Variants in PTPN12 observed in about 807,000 individuals in gnomAD.
PTPN12 encodes the protein protein tyrosine phosphatase non-receptor type 12, also known as tyrosine-protein phosphatase non-receptor type 12.
In PTPN12, 29 loss-of-function variants were observed where a neutral mutation model predicts 97.6. The ratio of observed to expected loss-of-function variants is 0.30; its 90% CI spans 0.22 to 0.41. The LOEUF is 0.41. Ranked by LOEUF, PTPN12 falls within the 10% of genes least tolerant of loss-of-function variation. The pLI is 1.00. For missense variants in PTPN12, 819 were observed against 926.0 expected (o/e 0.88, Z 1.50); for synonymous variants, 327 against 300.4 (o/e 1.09, Z -0.91).
intron 15 of PTPN12, 64 bp from the exon 16 acceptor site, chr7:77,636,954 A>C: frequency 1.5e-6 from 2 of 1,305,424 alleles, no homozygotes; most frequent in Non-Finnish European, 1.1e-6. Flanking sequence ...TAACAGACCC[A>C]GCTTTCTATT....
intron 14 of PTPN12, 44 bp downstream of exon 14, chr7:77,632,469 A>G: frequency 7.1e-7 from 1 of 1,415,266 alleles, no homozygotes; most frequent in South Asian, 1.2e-5. Context: ...TATTCTAATA[A>G]TAAACTCCGA....
intron 2 of PTPN12, among the ~76,000 whole-genome samples, chr7:77,574,863 A>C (rs1787289048): frequency 1.3e-5 from 2 of 151,116 alleles, no homozygotes; most frequent in Non-Finnish European, 2.9e-5. Context: ...ACAGAATCTC[A>C]CTCTTGTCGC....
intron 1 of PTPN12, among the ~76,000 whole-genome samples, chr7:77,548,041 A>G (rs1807301870): frequency 6.6e-6 from 1 of 152,156 alleles, no homozygotes; most frequent in Non-Finnish European, 1.5e-5. Flanking sequence ...TTACAGTAGG[A>G]CCTTTTAAAA....
At chr7:77,541,818 CTG>C (rs1311108316) in intron 1 of PTPN12, among the ~76,000 whole-genome samples, 2 of 152,170 alleles carry the variant, frequency 1.3e-5, no homozygotes, top group Admixed American at 6.5e-5. Context: ...GGTACCCAGA[CTG>C]TGCAGAACTA....
intron 5 of PTPN12, among the ~76,000 whole-genome samples, chr7:77,589,385 T>C (rs1787794656): frequency 6.6e-6 from 1 of 152,204 alleles, no homozygotes; most frequent in East Asian, 1.9e-4. Flanking sequence ...GGTAATGATA[T>C]ATTTACAGAT....
At chr7:77,583,769 C>T (rs1787598732) in intron 4 of PTPN12, 119 bp downstream of exon 4, 1 of 588,900 alleles carries the variant, frequency 1.7e-6, no homozygotes, top group African/African-American at 1.9e-5. Flanking sequence ...TTACTTATTG[C>T]TGATGTTTAC....
chr7:77,537,316 G>C lies in PTPN12; in HGVS notation c.-231G>C. 1.9e-6 allele frequency: 1 copy of C among 513,684 alleles called. No individual in the cohort carries two copies. Among genetic ancestry groups the C allele is most frequent in the Non-Finnish European group, 3.3e-6 (1 of 305,872 alleles). 31.8% of individuals were successfully genotyped at this position (513,684 alleles called of 1,614,324 possible). ...TGGCGCTAGCGCAGCGGCTCGCCTG[G>C]TACTGTGGGAGAGCGGCGGCTGCTC... On this transcript the variant is annotated 5_prime_UTR_variant, in exon 1 of 18. Transcript: ENST00000248594.
chr7:77,635,673 G>T, intron 14 of PTPN12, 109 bp from the exon 15 acceptor site: 1 of 589,592 alleles, frequency 1.7e-6, no homozygotes, highest in South Asian at 4.5e-5. Flanking sequence ...AAATTTTTGT[G>T]GAAGCGATAG....
intron 9 of PTPN12, 53 bp downstream of exon 9, chr7:77,607,354 A>G: frequency 7.8e-7 from 1 of 1,284,814 alleles, no homozygotes; most frequent in Non-Finnish European, 1.1e-6. Context: ...ATGATTTTCA[A>G]ACTTAATTAT....
chr7:77,580,472 A>G (rs1028133811), intron 2 of PTPN12, among the ~76,000 whole-genome samples: 5 of 152,230 alleles, frequency 3.3e-5, no homozygotes, highest in Admixed American at 1.3e-4. Flanking sequence ...TTCAAAGTAT[A>G]TAACTATATG....
chr7:77,564,746 G>GGTTTTTTTTTTTTTTTTTTT (rs1808162192), intron 1 of PTPN12, among the ~76,000 whole-genome samples: 1 of 45,370 alleles, frequency 2.2e-5, no homozygotes, highest in Non-Finnish European at 3.8e-5. Context: ...TTGTTGTCGT[G>GGTTTTTTTTTTTTTTTTTTT]TTTTTTTTTT....
At chr7:77,544,221 A>G (rs1485920990) in intron 1 of PTPN12, among the ~76,000 whole-genome samples, 1 of 152,186 alleles carries the variant, frequency 6.6e-6, no homozygotes, top group Non-Finnish European at 1.5e-5. Context: ...GTGAAGTGGT[A>G]TCTTCTTGTG....
chr7:77,620,311 C>T (rs1028930221), intron 12 of PTPN12, among the ~76,000 whole-genome samples: 1 of 151,942 alleles, frequency 6.6e-6, no homozygotes, highest in Non-Finnish European at 1.5e-5. Flanking sequence ...CTCTAATAAA[C>T]AAAAAGATAA....
chr7:77,589,496 ATAC>A (rs1277871285), intron 5 of PTPN12, among the ~76,000 whole-genome samples: 2 of 152,176 alleles, frequency 1.3e-5, no homozygotes, highest in African/African-American at 4.8e-5. Context: ...AAGTTTTTTA[ATAC>A]TAATGTAGTT....
At chr7:77,625,472 G>GCTCGCTCGCTCGCTCTCTCTCTCT in intron 12 of PTPN12, among the ~76,000 whole-genome samples, 1 of 33,522 alleles carries the variant, frequency 3.0e-5, no homozygotes, top group Non-Finnish European at 5.0e-5. Context: ...CAGGCTGCTC[G>GCTCGCTCGCTCGCTCTCTCTCTCT]CTCTCTCTCT....
At chr7:77,590,214 A>G (rs1562732869) in intron 5 of PTPN12, among the ~76,000 whole-genome samples, 1 of 152,190 alleles carries the variant, frequency 6.6e-6, no homozygotes, top group Non-Finnish European at 1.5e-5. Context: ...ATAGTTTTTG[A>G]TATCATTATT....
chr7:77,564,760 T>TGTTTTTTG (rs1562715182), intron 1 of PTPN12, among the ~76,000 whole-genome samples: 1 of 99,922 alleles, frequency 1.0e-5, no homozygotes, highest in African/African-American at 3.8e-5. Flanking sequence ...TTTTTTTTTT[T>TGTTTTTTG]TTTTTTTTTT....
At chr7:77,571,036 A>C (rs1719112139) in intron 1 of PTPN12, 42 bp from the exon 2 acceptor site, 1 of 1,331,784 alleles carries the variant, frequency 7.5e-7, no homozygotes, top group African/African-American at 1.5e-5. Context: ...TGAAAATATC[A>C]CTGTTTCTCT....
At chr7:77,614,324 C>G (rs1788678439) in intron 11 of PTPN12, among the ~76,000 whole-genome samples, 1 of 152,014 alleles carries the variant, frequency 6.6e-6, no homozygotes, top group Non-Finnish European at 1.5e-5. Context: ...TGAATCAATC[C>G]TTTTTTAATA....
Sources: gnomAD v4.1 joint callset for allele counts (sites outside exome capture counted in the v4.1 genomes callset) on GRCh38, gnomAD v4.1.1 for gene constraint, MANE v1.5 for transcripts, NCBI Gene and HGNC (gene_info 2026-07-23, HGNC 2026-07-21) for gene names.